The following PCDHA5 variants were observed in gnomAD, a reference collection of about 807,000 sequenced individuals.
PCDHA5 encodes protocadherin alpha-5.
PCDHA5 carries 43 observed loss-of-function variants against 61.6 expected under a neutral mutation model. The observed-to-expected ratio is 0.70, with a 90% CI of 0.55 to 0.90. The LOEUF (loss-of-function observed/expected upper bound fraction) is 0.90, where lower values mean the gene tolerates loss of function less well. Ranked by LOEUF, PCDHA5 falls within the 40% of genes least tolerant of loss-of-function variation. The pLI is 0.00. For missense variants in PCDHA5, 1,298 were observed against 1,222.7 expected, an observed-to-expected ratio of 1.06 and a Z score of -0.92; for synonymous variants, 627 against 543.9, an observed-to-expected ratio of 1.15 and a Z score of -2.13.
chr5:140,932,710 C>T (rs2088563538), intron 1 of PCDHA5, among the ~76,000 whole-genome samples: 1 of 151,522 alleles, frequency 6.6e-6, no homozygotes, highest in African/African-American at 2.4e-5. Context: ...ATAGACAACA[C>T]AATAATATTG....
Position 140,821,713 on chromosome 5 carries a change from T to C in PCDHA5, c.-63T>C. ...AAAAAATATATAGTTAATTGGGAAT[T>C]GAATTTACAAAATACATTGTGTGGT... is the stretch of plus-strand genomic sequence containing the variant. On this transcript the variant is annotated 5_prime_UTR_variant, in exon 1 of 4. Coordinates refer to ENST00000529859, the MANE Select transcript of PCDHA5 (RefSeq NM_018908.3). The C allele has an allele frequency of 6.8e-7, 1 of 1,478,600 alleles. No homozygotes were observed. The allele number at this position is 1,478,600 out of a possible 1,614,324, so 91.6% of individuals were successfully genotyped here.
intron 1 of PCDHA5, among the ~76,000 whole-genome samples, chr5:140,900,747 CTTGGTAGCTCTATT>C (rs545406022): frequency 3.1e-4 from 47 of 152,302 alleles, no homozygotes; most frequent in African/African-American, 1.1e-3. Flanking sequence ...TTCTGGATCA[CTTGGTAGCTCTATT>C]TTTGGCTTTT....
At chr5:140,914,116 A>T (rs2076611706) in intron 1 of PCDHA5, among the ~76,000 whole-genome samples, 1 of 152,128 alleles carries the variant, frequency 6.6e-6, no homozygotes. Flanking sequence ...ATTAAGTCTG[A>T]TGTTTCTTTG....
chr5:140,995,383 G>A (rs909887279), intron 3 of PCDHA5, among the ~76,000 whole-genome samples: 2 of 152,158 alleles, frequency 1.3e-5, no homozygotes, highest in African/African-American at 4.8e-5. Flanking sequence ...TACTGGGCAG[G>A]ATAAAGCGGG....
intron 1 of PCDHA5, chr5:140,825,468 A>G (rs1470397063): frequency 1.3e-5 from 2 of 149,758 alleles, no homozygotes; most frequent in Non-Finnish European, 3.0e-5. Context: ...TTGATACAGA[A>G]TTTTGCTCTT....
intron 1 of PCDHA5, chr5:140,843,910 G>A (rs2150367527): frequency 2.4e-5 from 15 of 636,386 alleles, no homozygotes; most frequent in Non-Finnish European, 3.7e-5. Flanking sequence ...CACAAGTTGG[G>A]TCTATCTTGA....
intron 1 of PCDHA5, among the ~76,000 whole-genome samples, chr5:140,951,082 C>CT (rs573059224): frequency 1.2e-3 from 178 of 151,520 alleles, no homozygotes; most frequent in African/African-American, 4.1e-3. Context: ...TTATATTTTC[C>CT]TTTTTTTCTG....
At chr5:140,872,547 A>G (rs1438827788) in intron 1 of PCDHA5, among the ~76,000 whole-genome samples, 1 of 152,128 alleles carries the variant, frequency 6.6e-6, no homozygotes, top group Non-Finnish European at 1.5e-5. Context: ...GGATCCCCTG[A>G]ACCCAGGGGT....
intron 1 of PCDHA5, among the ~76,000 whole-genome samples, chr5:140,959,972 AAAG>A (rs1460302752): frequency 2.0e-5 from 3 of 152,328 alleles, no homozygotes; most frequent in South Asian, 4.1e-4. Flanking sequence ...GATGTTACTG[AAAG>A]AAGAAGTTGG....
chr5:140,947,763 AAT>A (rs1396909113), intron 1 of PCDHA5, among the ~76,000 whole-genome samples: 1 of 151,658 alleles, frequency 6.6e-6, no homozygotes, highest in Non-Finnish European at 1.5e-5. Flanking sequence ...TGGTTTAAAA[AAT>A]TCTATTGTAA....
intron 1 of PCDHA5, chr5:140,858,049 G>C (rs181372488): frequency 6.3e-7 from 1 of 1,597,448 alleles, no homozygotes. Flanking sequence ...TGCTTGTGTC[G>C]CTTGTGGAGG....
chr5:140,829,618 G>A (rs2150171379), intron 1 of PCDHA5: 5 of 1,612,188 alleles, frequency 3.1e-6, no homozygotes, highest in Middle Eastern at 2.1e-4. Context: ...GCTACATTTC[G>A]GTGCACGCGG....
At chr5:140,979,494 A>C (rs1284874558) in intron 2 of PCDHA5, among the ~76,000 whole-genome samples, 6 of 152,010 alleles carry the variant, frequency 3.9e-5, no homozygotes, top group African/African-American at 1.2e-4. Flanking sequence ...CACCTATTAG[A>C]GCCTCCTCAT....
chr5:140,841,199 A>G, intron 1 of PCDHA5: 2 of 1,287,918 alleles, frequency 1.6e-6, no homozygotes, highest in South Asian at 3.0e-5. Flanking sequence ...TTTCTCTGAC[A>G]GCATCTGTCT....
rs1045998593 is a variant in PCDHA5, at chr5:140,838,449, A to G, written c.2352+14322A>G. On this transcript the variant is annotated intron_variant, in intron 1 of 3. Coordinates refer to ENST00000529859, the MANE Select transcript of PCDHA5 (RefSeq NM_018908.3). ...TAAATTATATATTGGGTTTTGTGGC[A>G]TATTATTTCATTAGCGCTTATTCCT... 3.3e-5 allele frequency among the ~76,000 whole-genome samples: 5 copies of G among 151,718 alleles called. No individual in the cohort carries two copies. The East Asian group carries it at 9.7e-4, about 29-fold the overall frequency.
chr5:140,980,490 C>T (rs185528514), intron 2 of PCDHA5, among the ~76,000 whole-genome samples: 39 of 152,096 alleles, frequency 2.6e-4, no homozygotes, highest in Admixed American at 4.6e-4. Context: ...ATTAGCTGGG[C>T]GTGATGGCAT....
chr5:140,830,592 A>G (rs1771150807), intron 1 of PCDHA5: 1 of 705,520 alleles, frequency 1.4e-6, no homozygotes, highest in Non-Finnish European at 2.1e-6. Flanking sequence ...TTAATTTTAC[A>G]AAATTACATA....
rs2150121625 is a variant in PCDHA5 at position 140,823,040 on chromosome 5, T to C, written c.1265T>C (p.Leu422Pro). The change falls in exon 1 of 4, where the codon CTG becomes CCG. Residue 422 changes from leucine (L) to proline (P), a missense_variant. By Grantham distance (98) the Leu-to-Pro change is moderately conservative (BLOSUM62 -3). Transcript: ENST00000529859. ...CGCGAGAGCGTGTCGGTCTATGAGC[T>C]GGTGGTGACCGCGCGGGACGGGGGC... ...LDRESVSVYE[L>P]VVTARDGGSP... 1.2e-6 allele frequency: 2 copies of C among 1,614,210 alleles called. No homozygotes were observed. Among genetic ancestry groups the C allele is most frequent in the Admixed American group, 1.7e-5 (1 of 60,034 alleles).
rs2150323482 is a variant in PCDHA5 at position 140,841,819 on chromosome 5, C to A, written c.2352+17692C>A. Reference sequence around the variant, plus strand: ...CCGATGCAGATGTTGGAGCTAACTCCGTGTTAACCTACAGGCTTAGCTCTC... The same window carrying A: ...CCGATGCAGATGTTGGAGCTAACTCAGTGTTAACCTACAGGCTTAGCTCTC... On this transcript the variant is annotated intron_variant, in intron 1 of 3. Transcript: ENST00000529859. The A allele has an allele frequency of 3.1e-6, 5 of 1,613,874 alleles. No individual in the cohort carries two copies. The South Asian group carries it at 5.5e-5, about 18-fold the overall frequency.
Sources: allele counts gnomAD v4.1 joint callset (sites outside exome capture counted in the v4.1 genomes callset), GRCh38; gene constraint gnomAD v4.1.1; transcripts MANE v1.5; gene names NCBI Gene and HGNC (gene_info 2026-07-23, HGNC 2026-07-21).